The following KRT222 variants were observed in gnomAD, a reference collection of about 807,000 sequenced individuals.
The protein encoded by KRT222 is keratin 222, also known as keratin-like protein KRT222.
KRT222 carries 23 observed loss-of-function variants against 35.0 expected under a neutral mutation model. That is an observed-to-expected ratio of 0.66 (90% CI 0.47 to 0.93). The LOEUF is 0.93. Ranked by LOEUF, KRT222 falls within the 40% of genes least tolerant of loss-of-function variation. The pLI is 0.00. For synonymous variants in KRT222, 108 were observed against 118.8 expected (o/e 0.91, Z 0.59); for missense variants, 339 against 346.3 (o/e 0.98, Z 0.17).
intron 3 of KRT222, among the ~76,000 whole-genome samples, chr17:40,658,138 C>CT (rs74268058): frequency 0.034 from 4,744 of 138,504 alleles, 173 homozygotes; most frequent in East Asian, 0.093. Flanking sequence ...ACATTTTACT[C>CT]TTTTTTTTTT....
At position 40,655,726 on chromosome 17, in the gene KRT222, C is replaced by A. The variant is rs1405350162; in HGVS notation, c.*676G>T. 6.6e-6 allele frequency: 1 copy of A among 151,464 alleles called. No individual in the cohort carries two copies. Among genetic ancestry groups the A allele is most frequent in the African/African-American group, 2.4e-5 (1 of 41,346 alleles). 9.4% of individuals were successfully genotyped at this position (151,464 alleles called of 1,614,324 possible). A position where few individuals can be genotyped will look rare whatever the true frequency, so the allele number is the denominator to read the frequency against. On this transcript the variant is annotated 3_prime_UTR_variant, in exon 6 of 6. Coordinates refer to ENST00000394052, the MANE Select transcript of KRT222 (RefSeq NM_152349.3). ...TCTTCCGGAAATCAGATACTTATTA[C>A]AAAAAAAACCTTTTAGATATATGTA... is the stretch of plus-strand genomic sequence containing the variant.
At chr17:40,661,222 T>C (rs906576692) in intron 2 of KRT222, among the ~76,000 whole-genome samples, 1 of 151,848 alleles carries the variant, frequency 6.6e-6, no homozygotes, top group Admixed American at 6.6e-5. Flanking sequence ...CGTGAGCAAC[T>C]GTGCCTTGCT....
At chr17:40,660,842 T>C (rs1286957962) in intron 2 of KRT222, among the ~76,000 whole-genome samples, 2 of 150,502 alleles carry the variant, frequency 1.3e-5, no homozygotes, top group Non-Finnish European at 3.0e-5. Context: ...ACTTCAGAGG[T>C]AGGCTTTGTA....
At position 40,656,399 on chromosome 17, in the gene KRT222, G is replaced by C. The variant is rs1188811031; in HGVS notation, c.*3C>G. On this transcript the variant is annotated 3_prime_UTR_variant, in exon 6 of 6. Coordinates refer to ENST00000394052, the MANE Select transcript of KRT222 (RefSeq NM_152349.3). The stretch of plus-strand genomic sequence containing the variant: ...TCCAATCAAGTCAAATACTATCTTT[G>C]GATTAATTAGCTGTTGATGGAGGTT... 1 of 1,607,862 alleles carries C rather than the reference G, an allele frequency of 6.2e-7. No individual in the cohort carries two copies. The highest frequency in any genetic ancestry group is 8.5e-7 in the Non-Finnish European group (1 of 1,174,594).
In KRT222 at chr17:40,665,063, T is replaced by G; in HGVS notation, c.37A>C (p.Asn13His). The part of the protein sequence containing the change: ...LSQLLNEIRA[N>H]YEKILTRNQI... ...TTTCTGGTGAGGATCTTTTCATAGT[T>G]TGCCCTGATCTCATTGAGTAGCTGG... is the stretch of plus-strand genomic sequence containing the variant. Residue 13 changes from asparagine to histidine, a missense_variant, in exon 1 of 6, where the codon AAC becomes CAC. Asn to His is a moderately conservative substitution (Grantham distance 68). Transcript: ENST00000394052. The G allele has an allele frequency of 1.2e-6, 2 of 1,614,114 alleles. No individual in the cohort carries two copies. Among genetic ancestry groups the G allele is most frequent in the Non-Finnish European group, 1.7e-6 (2 of 1,180,026 alleles).
In KRT222 at chr17:40,655,976, A is replaced by C. The variant is rs1191202815; in HGVS notation, c.*426T>G. The C allele has an allele frequency of 6.5e-6, 1 of 153,538 alleles. No homozygotes were observed. The highest frequency in any genetic ancestry group is 1.9e-4 in the East Asian group (1 of 5,232). The allele number at this position is 153,538 out of a possible 1,614,324, so 9.5% of individuals were successfully genotyped here. A position where few individuals can be genotyped will look rare whatever the true frequency, so the allele number is the denominator to read the frequency against. ...TGTAGGTTTAACCAGTCATGGAATA[A>C]TGGTGAATAACTCAGTGTGACTCTT... is the stretch of plus-strand genomic sequence containing the variant. On this transcript the variant is annotated 3_prime_UTR_variant, in exon 6 of 6. Coordinates refer to ENST00000394052, the MANE Select transcript of KRT222 (RefSeq NM_152349.3).
At position 40,660,110 on chromosome 17, in the gene KRT222, A is replaced by C; in HGVS notation, c.323T>G (p.Leu108Arg). 6.2e-7 allele frequency: 1 copy of C among 1,614,042 alleles called. No homozygotes were observed. Among genetic ancestry groups the C allele is most frequent in the Non-Finnish European group, 8.5e-7 (1 of 1,180,008 alleles). The change falls in exon 3 of 6, where the codon CTA becomes CGA. Residue 108 changes from leucine to arginine, a missense_variant. Transcript: ENST00000394052. ...TTCGATGCCGCGCCTTACTTCCTGT[A>C]GCTCTTTTTCTAGTCCTTCAATCAC... ...ETVIEGLEKELQEVRRGIEKQ... is the reference protein window; with the variant it reads ...ETVIEGLEKERQEVRRGIEKQ...
chr17:40,664,077 C>G (rs1255607716), intron 1 of KRT222, among the ~76,000 whole-genome samples: 1 of 151,654 alleles, frequency 6.6e-6, no homozygotes, highest in South Asian at 2.1e-4. Context: ...CATTTTTCTA[C>G]CAATTTTTTT....
At chr17:40,664,948 G>A in intron 1 of KRT222, 56 bp downstream of exon 1, 1 of 1,611,566 alleles carries the variant, frequency 6.2e-7, no homozygotes, top group Non-Finnish European at 8.5e-7. Context: ...CAGGAATTGG[G>A]TAGACATGGA....
chr17:40,657,573 CTTG>C, intron 4 of KRT222, 86 bp from the exon 5 acceptor site: 2 of 1,394,580 alleles, frequency 1.4e-6, no homozygotes, highest in Non-Finnish European at 1.9e-6. Flanking sequence ...TCAAATATTG[CTTG>C]TTTTTTTTCG....
chr17:40,656,696 T>G, intron 5 of KRT222, 66 bp from the exon 6 acceptor site: 1 of 816,744 alleles, frequency 1.2e-6, no homozygotes, highest in East Asian at 2.7e-5. Flanking sequence ...ATGTATTATA[T>G]ATTTCATATC....
intron 1 of KRT222, 168 bp from the exon 2 acceptor site, chr17:40,662,212 G>A (rs2037388492): frequency 1.4e-6 from 1 of 703,986 alleles, no homozygotes; most frequent in African/African-American, 1.8e-5. Context: ...AATTAAATAT[G>A]TAAGTCCATT....
At chr17:40,662,068 A>T (rs908271474) in intron 1 of KRT222, 24 bp from the exon 2 acceptor site, 10 of 1,605,382 alleles carry the variant, frequency 6.2e-6, no homozygotes, top group Non-Finnish European at 7.6e-6. Context: ...CAACAGCAAC[A>T]ATAACAAACA....
chr17:40,660,024 C>T lies in KRT222; in HGVS notation c.409G>A (p.Ala137Thr). 1.2e-6 allele frequency: 2 copies of T among 1,614,110 alleles called. No homozygotes were observed. The highest frequency in any genetic ancestry group is 1.7e-6 in the Non-Finnish European group (2 of 1,180,008). Residue 137 changes from alanine (A) to threonine (T), a missense_variant, in exon 3 of 6, where the codon GCA becomes ACA. Coordinates refer to ENST00000394052, the MANE Select transcript of KRT222 (RefSeq NM_152349.3). The part of the protein sequence containing the change: ...NTKMRLEQEI[A>T]TYRHLLEKEE... The stretch of plus-strand genomic sequence containing the variant: ...TTTTCTAGGAGGTGGCGATAAGTTG[C>T]TATTTCTTGTTCCAGCCTCATCTTC...
intron 5 of KRT222, 126 bp downstream of exon 5, chr17:40,657,226 A>AAAT (rs1226987777): frequency 9.3e-6 from 7 of 753,612 alleles, no homozygotes; most frequent in Non-Finnish European, 1.1e-5. Context: ...AAAAAAAAAA[A>AAAT]ATCACAGTAT....
At chr17:40,660,383 G>A (rs1007884865) in intron 2 of KRT222, among the ~76,000 whole-genome samples, 176 bp from the exon 3 acceptor site, 1 of 151,146 alleles carries the variant, frequency 6.6e-6, no homozygotes, top group African/African-American at 2.4e-5. Flanking sequence ...TGGGCTCAAT[G>A]ATTCTCCTCC....
Position 40,655,641 on chromosome 17 carries a change from T to G in KRT222, c.*761A>C, listed in dbSNP as rs2144027822. Reference sequence around the variant, plus strand: ...TGTTTTGTTTGCGCAGTTGGCCTTCTGATTTTTTTTCTTTTTTTGGTGGGG... The same window carrying G: ...TGTTTTGTTTGCGCAGTTGGCCTTCGGATTTTTTTTCTTTTTTTGGTGGGG... On this transcript the variant is annotated 3_prime_UTR_variant, in exon 6 of 6. Coordinates refer to ENST00000394052, the MANE Select transcript of KRT222 (RefSeq NM_152349.3). The G allele has an allele frequency of 6.6e-6, 1 of 152,270 alleles. No individual in the cohort carries two copies. Among genetic ancestry groups the G allele is most frequent in the South Asian group, 2.1e-4 (1 of 4,828 alleles). The allele number at this position is 152,270 out of a possible 1,614,324, so 9.4% of individuals were successfully genotyped here.
rs1040264000 is a variant in KRT222, at chr17:40,654,950, T to C, written c.*1452A>G. 6 of 149,300 alleles carry C rather than the reference T, an allele frequency of 4.0e-5. No individual in the cohort carries two copies. The highest frequency in any genetic ancestry group is 8.9e-5 in the Non-Finnish European group (6 of 67,448). 9.2% of individuals were successfully genotyped at this position (149,300 alleles called of 1,614,324 possible). On this transcript the variant is annotated 3_prime_UTR_variant, in exon 6 of 6. Coordinates refer to ENST00000394052, the MANE Select transcript of KRT222 (RefSeq NM_152349.3). ...GAAGTAATTGAAAGAAAATTAAAAA[T>C]TTTATATCCCTGTATTATGTTAAAG...
intron 2 of KRT222, among the ~76,000 whole-genome samples, chr17:40,660,694 T>C (rs964017266): frequency 2.6e-5 from 4 of 152,098 alleles, no homozygotes; most frequent in African/African-American, 4.8e-5. Context: ...TAAAAAATTA[T>C]ATTTTATTTA....
Sources: allele counts gnomAD v4.1 joint callset (sites outside exome capture counted in the v4.1 genomes callset), GRCh38; gene constraint gnomAD v4.1.1; transcripts MANE v1.5; gene names NCBI Gene and HGNC (gene_info 2026-07-23, HGNC 2026-07-21).